CAB39L: variants seen among roughly 807,000 people sequenced by gnomAD.
CAB39L encodes calcium-binding protein 39-like.
Under a neutral mutation model 39.1 loss-of-function variants are expected in CAB39L, and 23 were observed. That is an observed-to-expected ratio of 0.59 (90% CI 0.42 to 0.83). The LOEUF (loss-of-function observed/expected upper bound fraction) is 0.83, where lower values mean the gene tolerates loss of function less well. Among genes scored for constraint, CAB39L ranks in the 40% least tolerant of loss-of-function variants. The probability of loss-of-function intolerance (pLI) is 0.00; values close to 1 mark genes in which losing one functional copy is unlikely to be tolerated. For missense variants in CAB39L, 366 were observed against 391.9 expected (o/e 0.93, Z 0.56); for synonymous variants, 126 against 137.2 (o/e 0.92, Z 0.57).
intron 1 of CAB39L, among the ~76,000 whole-genome samples, chr13:49,436,730 G>T (rs1181523444): frequency 1.3e-5 from 2 of 151,450 alleles, no homozygotes; most frequent in Non-Finnish European, 2.9e-5. Context: ...TTTATTTCCT[G>T]AGTTCAGTAA....
At chr13:49,346,075 G>GATATATATATATATATGCTAGAT (rs1955148293) in intron 7 of CAB39L, among the ~76,000 whole-genome samples, 1 of 81,498 alleles carries the variant, frequency 1.2e-5, no homozygotes, top group African/African-American at 4.6e-5. Context: ...ATATATGCTA[G>GATATATATATATATATGCTAGAT]ATATATATAT....
chr13:49,319,358 A>G lies in CAB39L; in HGVS notation c.835-8365T>C, dbSNP rs375188497. Among the ~76,000 whole-genome samples the G allele has an allele frequency of 1.4e-4, 21 of 152,334 alleles. No homozygotes were observed. In the East Asian group the frequency reaches 1.7e-3, roughly 13 times the overall value. ...CACCACACAAAAGGCCACACACTGT[A>G]TGATTCTATTTATATAAAATATCTG... On this transcript the variant is annotated intron_variant, in intron 10 of 10. Coordinates refer to ENST00000409308, the MANE Select transcript of CAB39L (RefSeq NM_001079670.3).
chr13:49,428,340 T>C (rs1957272648), intron 3 of CAB39L, among the ~76,000 whole-genome samples: 1 of 152,230 alleles, frequency 6.6e-6, no homozygotes, highest in Admixed American at 6.5e-5. Context: ...TCCATAGGGA[T>C]GCTCACTTGA....
At chr13:49,338,602 G>A (rs1385392749) in intron 9 of CAB39L, among the ~76,000 whole-genome samples, 6 of 151,906 alleles carry the variant, frequency 3.9e-5, no homozygotes, top group Non-Finnish European at 5.9e-5. Flanking sequence ...GTATACATAT[G>A]TAACTAACCT....
At chr13:49,433,273 G>A (rs1192606541) in intron 3 of CAB39L, 45 bp downstream of exon 3, 1 of 426,270 alleles carries the variant, frequency 2.3e-6, no homozygotes, top group Non-Finnish European at 4.6e-6. Context: ...CTACACGTCT[G>A]TCGAGAGCAC....
At chr13:49,370,320 G>A (rs969023717) in intron 5 of CAB39L, among the ~76,000 whole-genome samples, 1 of 152,080 alleles carries the variant, frequency 6.6e-6, no homozygotes. Context: ...TTATATGGGA[G>A]ATTATCTCCC....
intron 3 of CAB39L, 115 bp downstream of exon 3, chr13:49,433,203 A>T (rs1292003071): frequency 3.5e-6 from 1 of 285,416 alleles, no homozygotes; most frequent in Non-Finnish European, 6.9e-6. Flanking sequence ...GCTTTATAAC[A>T]TTTAAATACA....
chr13:49,426,518 C>A (rs961547612), intron 3 of CAB39L, among the ~76,000 whole-genome samples: 3 of 152,190 alleles, frequency 2.0e-5, no homozygotes, highest in Non-Finnish European at 1.5e-5. Flanking sequence ...GCTCCGCCTC[C>A]CGGGTTCAAG....
intron 6 of CAB39L, among the ~76,000 whole-genome samples, chr13:49,355,485 TA>T (rs1955459969): frequency 1.3e-5 from 2 of 152,170 alleles, no homozygotes. Context: ...TTGTAGTCTC[TA>T]AGAACCATTT....
At chr13:49,358,789 G>A (rs1053699627) in intron 6 of CAB39L, among the ~76,000 whole-genome samples, 5 of 152,188 alleles carry the variant, frequency 3.3e-5, no homozygotes, top group African/African-American at 9.6e-5. Flanking sequence ...GAACCCAGGA[G>A]GCAGAGGTTG....
At chr13:49,357,565 T>G (rs1342057241) in intron 6 of CAB39L, among the ~76,000 whole-genome samples, 2 of 152,212 alleles carry the variant, frequency 1.3e-5, no homozygotes, top group Non-Finnish European at 2.9e-5. Context: ...TGTACTTTCT[T>G]TTTCTGTTCT....
At chr13:49,428,945 A>G (rs1451984989) in intron 3 of CAB39L, among the ~76,000 whole-genome samples, 3 of 152,216 alleles carry the variant, frequency 2.0e-5, no homozygotes, top group Non-Finnish European at 4.4e-5. Context: ...CAGAAATTAA[A>G]TGGTTTACTT....
intron 1 of CAB39L, among the ~76,000 whole-genome samples, chr13:49,437,252 A>C (rs1354331059): frequency 6.6e-6 from 1 of 152,210 alleles, no homozygotes; most frequent in South Asian, 2.1e-4. Context: ...AGTACCTAAT[A>C]AAGTGTTTTT....
At chr13:49,369,151 G>A (rs1955845668) in intron 5 of CAB39L, among the ~76,000 whole-genome samples, 1 of 152,096 alleles carries the variant, frequency 6.6e-6, no homozygotes, top group Non-Finnish European at 1.5e-5. Flanking sequence ...TTATTAGAAT[G>A]GCTAAAACAA....
intron 10 of CAB39L, among the ~76,000 whole-genome samples, chr13:49,312,175 A>G (rs1954013951): frequency 6.6e-6 from 1 of 152,240 alleles, no homozygotes; most frequent in Non-Finnish European, 1.5e-5. Context: ...GATTACAGGC[A>G]TGAGCCACCA....
intron 6 of CAB39L, among the ~76,000 whole-genome samples, chr13:49,352,352 T>C (rs748019684): frequency 1.3e-5 from 2 of 152,100 alleles, no homozygotes; most frequent in Non-Finnish European, 2.9e-5. Context: ...AAGCCCTGTA[T>C]TGAAATAATA....
intron 7 of CAB39L, among the ~76,000 whole-genome samples, chr13:49,344,800 T>C (rs187384289): frequency 1.3e-5 from 2 of 152,222 alleles, no homozygotes; most frequent in Admixed American, 6.5e-5. Context: ...TTAACCACTT[T>C]TAAAATGGGC....
intron 10 of CAB39L, among the ~76,000 whole-genome samples, chr13:49,328,852 T>C (rs939280730): frequency 3.3e-5 from 5 of 152,184 alleles, no homozygotes; most frequent in African/African-American, 4.8e-5. Flanking sequence ...ATTTCTATTA[T>C]GTTTTGTGAC....
At chr13:49,378,101 G>A (rs1462663399) in intron 4 of CAB39L, among the ~76,000 whole-genome samples, 1 of 74,448 alleles carries the variant, frequency 1.3e-5, no homozygotes, top group Non-Finnish European at 2.7e-5. Context: ...GAGAAGTGAG[G>A]AGACCCTCTG....
Sources: gnomAD v4.1 joint callset for allele counts (sites outside exome capture counted in the v4.1 genomes callset) on GRCh38, gnomAD v4.1.1 for gene constraint, MANE v1.5 for transcripts, NCBI Gene and HGNC (gene_info 2026-07-23, HGNC 2026-07-21) for gene names.